The following KAZN variants were observed in gnomAD, a reference collection of about 807,000 sequenced individuals.
KAZN encodes the protein kazrin, periplakin interacting protein.
Under a neutral mutation model 87.4 loss-of-function variants are expected in KAZN, and 40 were observed. The observed-to-expected ratio is 0.46, with a 90% CI of 0.36 to 0.60. The LOEUF is 0.60. KAZN is among the 20% of genes least tolerant of loss of function. KAZN has a pLI of 0.00. For missense variants in KAZN, 898 were observed against 1,073.9 expected (o/e 0.84, Z 2.29); for synonymous variants, 466 against 458.3 (o/e 1.02, Z -0.22).
At position 14,856,439 on chromosome 1, in the gene KAZN, T is replaced by G. The variant is rs1650116998; in HGVS notation, c.227-104245T>G. 6.6e-6 allele frequency among the ~76,000 whole-genome samples: 1 copy of G among 152,148 alleles called. No individual in the cohort carries two copies. The highest frequency in any genetic ancestry group is 6.5e-5 in the Admixed American group (1 of 15,268). On this transcript the variant is annotated intron_variant, in intron 1 of 14. Transcript: ENST00000376030. The surrounding 1 kb of genome is among the most constrained non-coding windows in gnomAD (Gnocchi z 5.2). ...TCCATAGGTGGCATAGCTAAAGACA[T>G]TACAAAGGGCTGGGAATTAATATAT... is the stretch of plus-strand genomic sequence containing the variant.
intron 1 of KAZN, among the ~76,000 whole-genome samples, chr1:14,606,071 G>A (rs1228398221): frequency 6.6e-6 from 1 of 152,226 alleles, no homozygotes; most frequent in Non-Finnish European, 1.5e-5. Flanking sequence ...ACTTGCCAAA[G>A]GGCATATGGT....
chr1:14,108,441 A>T (rs1644427089), intron 1 of KAZN, among the ~76,000 whole-genome samples: 1 of 152,144 alleles, frequency 6.6e-6, no homozygotes, highest in Admixed American at 6.5e-5. Flanking sequence ...CACATAGCAG[A>T]CAAGTAATCA....
At chr1:13,897,948 G>A (rs932105930) in intron 1 of KAZN, among the ~76,000 whole-genome samples, 1 of 152,084 alleles carries the variant, frequency 6.6e-6, no homozygotes, top group African/African-American at 2.4e-5. Flanking sequence ...ACTTGACTTT[G>A]CCCCTGCTAT....
intron 2 of KAZN, among the ~76,000 whole-genome samples, chr1:14,446,206 A>G (rs1243181981): frequency 6.6e-6 from 1 of 152,128 alleles, no homozygotes; most frequent in Non-Finnish European, 1.5e-5. Context: ...AGAAAACAAA[A>G]AAAGAATTGG....
At chr1:14,973,892 G>A (rs940311219) in intron 2 of KAZN, among the ~76,000 whole-genome samples, 3 of 151,866 alleles carry the variant, frequency 2.0e-5, no homozygotes, top group African/African-American at 4.8e-5. Context: ...AATCTTAGTG[G>A]CATAAAGCAA....
chr1:14,357,144 C>T (rs750798775), intron 2 of KAZN, among the ~76,000 whole-genome samples: 2 of 152,098 alleles, frequency 1.3e-5, no homozygotes, highest in Non-Finnish European at 2.9e-5. Context: ...CTTCACATCC[C>T]TTGTAAGTTG....
At chr1:14,072,025 T>C (rs1468427215) in intron 1 of KAZN, among the ~76,000 whole-genome samples, 42 of 152,174 alleles carry the variant, frequency 2.8e-4, no homozygotes, top group Non-Finnish European at 1.5e-5. Flanking sequence ...GGTGGAACCA[T>C]CTGGACTGAA....
intron 2 of KAZN, among the ~76,000 whole-genome samples, chr1:14,237,083 C>T (rs1261874883): frequency 6.6e-6 from 1 of 152,116 alleles, no homozygotes; most frequent in African/African-American, 2.4e-5. Context: ...TTCTGTTTTG[C>T]AACATTGTCC....
At position 14,599,216 on chromosome 1, in the gene KAZN, A is replaced by G. The variant is rs1202460333; in HGVS notation, c.219A>G (p.Gly73=). The change falls in exon 1 of 15, where the codon GGA becomes GGG. Residue 73 remains glycine, a synonymous_variant. Transcript: ENST00000376030. The surrounding 1 kb of genome is among the most constrained non-coding windows in gnomAD (Gnocchi z 4.4). ...AATNMENPQL[G]AQVLLREEVS... is the part of the protein sequence containing the mutation. ...CGAACATGGAGAACCCCCAGCTTGG[A>G]GCGCAAGGTAGGATCGCCCCGGCGC... The G allele has an allele frequency of 2.2e-6, 3 of 1,392,376 alleles. No individual in the cohort carries two copies. Among genetic ancestry groups the G allele is most frequent in the Non-Finnish European group, 1.9e-6 (2 of 1,076,352 alleles). The allele number at this position is 1,392,376 out of a possible 1,614,324, so 86.3% of individuals were successfully genotyped here.
chr1:13,906,474 G>A (rs973508554), intron 1 of KAZN, among the ~76,000 whole-genome samples: 1 of 152,170 alleles, frequency 6.6e-6, no homozygotes. Context: ...ACCCTGTGGG[G>A]CAGAAAGGCT....
At chr1:14,456,725 T>C (rs1215927618) in intron 2 of KAZN, among the ~76,000 whole-genome samples, 1 of 152,168 alleles carries the variant, frequency 6.6e-6, no homozygotes, top group Non-Finnish European at 1.5e-5. Flanking sequence ...ATGCACCCTT[T>C]CATAGGGGTA....
At chr1:14,836,683 A>C (rs1379460403) in intron 1 of KAZN, among the ~76,000 whole-genome samples, 1 of 151,864 alleles carries the variant, frequency 6.6e-6, no homozygotes, top group Non-Finnish European at 1.5e-5. Flanking sequence ...CTCCCCAGCC[A>C]CCTCCACCCA....
intron 2 of KAZN, among the ~76,000 whole-genome samples, chr1:14,214,763 G>A (rs1407267753): frequency 6.6e-6 from 1 of 152,238 alleles, no homozygotes; most frequent in African/African-American, 2.4e-5. Flanking sequence ...TGTGGTACAA[G>A]ATGATTTGGA....
upstream of KAZN, among the ~76,000 whole-genome samples, chr1:14,595,680 CAA>C (rs34080804): frequency 3.2e-3 from 309 of 96,630 alleles, 1 homozygote; most frequent in Admixed American, 0.01. Context: ...GACTGCGTCT[CAA>C]AAAAAAAAAA....
At chr1:14,849,019 G>T (rs1010988291) in intron 1 of KAZN, among the ~76,000 whole-genome samples, 1 of 152,184 alleles carries the variant, frequency 6.6e-6, no homozygotes, top group African/African-American at 2.4e-5. Context: ...GAGGTTGGGG[G>T]CCCCGGGATC....
In KAZN at chr1:14,983,367, A is replaced by C. The variant is rs548519757; in HGVS notation, c.418+22492A>C. 1.1e-4 allele frequency among the ~76,000 whole-genome samples: 16 copies of C among 152,300 alleles called. No individual in the cohort carries two copies. In the South Asian group the frequency reaches 2.9e-3, roughly 28 times the overall value. On this transcript the variant is annotated intron_variant, in intron 2 of 14. Coordinates refer to ENST00000376030, the MANE Select transcript of KAZN (RefSeq NM_201628.3). ...GCGCAGTAGATTCAGGCAGTCATCG[A>C]AAACGCAAATTAAAACAACCCTGAG...
At chr1:15,006,914 G>A (rs1669064546) in intron 2 of KAZN, among the ~76,000 whole-genome samples, 1 of 151,890 alleles carries the variant, frequency 6.6e-6, no homozygotes, top group South Asian at 2.1e-4. Flanking sequence ...AAAACTAGCC[G>A]GGCATGGTGG....
chr1:14,298,220 G>T (rs568351311), intron 2 of KAZN, among the ~76,000 whole-genome samples: 1 of 152,226 alleles, frequency 6.6e-6, no homozygotes, highest in South Asian at 2.1e-4. Context: ...TTCAGACCCG[G>T]TGTCTTAAAA....
At chr1:14,463,083 T>A (rs1250682972) in intron 2 of KAZN, among the ~76,000 whole-genome samples, 2 of 152,190 alleles carry the variant, frequency 1.3e-5, no homozygotes, top group Non-Finnish European at 2.9e-5. Context: ...TTAAACCCAC[T>A]TTTAATTACA....
Sources: gnomAD v4.1 joint callset for allele counts (sites outside exome capture counted in the v4.1 genomes callset) on GRCh38, gnomAD v4.1.1 for gene constraint, Gnocchi (gnomAD v3.1) non-coding constraint, MANE v1.5 for transcripts, NCBI Gene and HGNC (gene_info 2026-07-23, HGNC 2026-07-21) for gene names.